Variants in ZNF764 observed in about 807,000 individuals in gnomAD.
ZNF764 encodes the protein zinc finger protein 764.
ZNF764 carries 10 observed loss-of-function variants against 13.9 expected under a neutral mutation model. That is an observed-to-expected ratio of 0.72 (90% CI 0.44 to 1.22). ZNF764 has a LOEUF of 1.22. Among genes scored for constraint, ZNF764 ranks in the 50% most tolerant of loss-of-function variants. ZNF764 has a pLI of 0.00. For synonymous variants in ZNF764, 313 were observed against 255.1 expected (o/e 1.23, Z -2.16); for missense variants, 647 against 589.7 (o/e 1.10, Z -1.01).
At chr16:30,556,190 C>T in intron 2 of ZNF764, 83 bp from the exon 3 acceptor site, 2 of 1,510,596 alleles carry the variant, frequency 1.3e-6, no homozygotes, top group Non-Finnish European at 9.1e-7. Context: ...CAGGGACAGG[C>T]CTGCTGGATC....
chr16:30,555,948 C>G lies in ZNF764; in HGVS notation c.470G>C (p.Gly157Ala), dbSNP rs780158756. 1 of 1,611,698 alleles carries G rather than the reference C, an allele frequency of 6.2e-7. No homozygotes were observed. Among genetic ancestry groups the G allele is most frequent in the South Asian group, 1.1e-5 (1 of 91,032 alleles). ...GGGGTGGGCACAGAGGGAGGGGCGT[C>G]CCCGGTGCGGTGCCTTGGACAGCTG... ...WEQLSKAPHR[G>A]RPSLCAHPPV... Residue 157 changes from glycine to alanine, a missense_variant, in exon 3 of 3, where the codon GGA (glycine) becomes GCA (alanine). By Grantham distance (60) the Gly-to-Ala change is moderately conservative. Coordinates refer to ENST00000395091, the MANE Select transcript of ZNF764 (RefSeq NM_001172679.2).
In ZNF764 at chr16:30,558,010, G is replaced by A. The variant is rs202240645; in HGVS notation, c.173C>T (p.Thr58Ile). The part of the protein sequence containing the change: ...RALYRDVMRE[T>I]YGHLSALGIG... ...ACCGAGAGCGCTCAGGTGGCCGTAG[G>A]TCTCCCGCATCACGTCCCGGTACAG... Residue 58 changes from threonine (T) to isoleucine (I), a missense_variant, in exon 1 of 3, where the codon ACC becomes ATC. Physicochemically the swap from Thr to Ile is moderately conservative, Grantham distance 89 (BLOSUM62 -1). Transcript: ENST00000395091. The A allele has an allele frequency of 9.5e-5, 153 of 1,608,744 alleles. No homozygotes were observed. The highest frequency in any genetic ancestry group is 6.2e-4 in the Admixed American group (37 of 59,280).
At position 30,556,119 on chromosome 16, in the gene ZNF764, T is replaced by G; in HGVS notation, c.311-12A>C. 1.2e-6 allele frequency: 2 copies of G among 1,609,436 alleles called. No homozygotes were observed. Among genetic ancestry groups the G allele is most frequent in the African/African-American group, 1.3e-5 (1 of 74,904 alleles). On this transcript the variant is annotated splice_polypyrimidine_tract_variant and intron_variant, in intron 2 of 2. Transcript: ENST00000395091. Reference sequence around the variant, plus strand: ...CTTGTTTCTGGAATCTGCTGAGAGATAAAGAGGGGAGAGTTCAGGCTCGGC... The same window carrying G: ...CTTGTTTCTGGAATCTGCTGAGAGAGAAAGAGGGGAGAGTTCAGGCTCGGC...
At position 30,555,690 on chromosome 16, in the gene ZNF764, G is replaced by A. The variant is rs1402739195; in HGVS notation, c.728C>T (p.Ser243Leu). 2.5e-6 allele frequency: 4 copies of A among 1,569,370 alleles called. No homozygotes were observed. Among genetic ancestry groups the A allele is most frequent in the South Asian group, 2.3e-5 (2 of 87,224 alleles). Residue 243 changes from serine (S) to leucine (L), a missense_variant, in exon 3 of 3, where the codon TCG becomes TTG. Coordinates refer to ENST00000395091, the MANE Select transcript of ZNF764 (RefSeq NM_001172679.2). ...LECGRAFTQR[S>L]ALTSHLRVHT... is the part of the protein sequence containing the mutation. The stretch of plus-strand genomic sequence containing the variant: ...GACGCGCAGGTGCGAAGTCAGCGCC[G>A]AGCGCTGCGTGAAGGCCCGGCCACA...
chr16:30,556,229 G>T, intron 2 of ZNF764, 122 bp from the exon 3 acceptor site: 2 of 1,150,880 alleles, frequency 1.7e-6, no homozygotes, highest in South Asian at 1.3e-5. Flanking sequence ...ATGGAGGAGT[G>T]ACACCTGTTC....
chr16:30,558,018 C>T lies in ZNF764; in HGVS notation c.165G>A (p.Met55Ile). 1 of 1,610,490 alleles carries T rather than the reference C, an allele frequency of 6.2e-7. No individual in the cohort carries two copies. Among genetic ancestry groups the T allele is most frequent in the Non-Finnish European group, 8.5e-7 (1 of 1,178,622 alleles). The change falls in exon 1 of 3, where the codon ATG becomes ATA. Residue 55 changes from methionine to isoleucine, a missense_variant. By Grantham distance (10) the Met-to-Ile change is conservative. Coordinates refer to ENST00000395091, the MANE Select transcript of ZNF764 (RefSeq NM_001172679.2). ...CGCTCAGGTGGCCGTAGGTCTCCCGCATCACGTCCCGGTACAGGGCCCTCT... is the reference window on the plus strand; with the variant it reads ...CGCTCAGGTGGCCGTAGGTCTCCCGTATCACGTCCCGGTACAGGGCCCTCT... ...PAQRALYRDVMRETYGHLSAL... is the reference protein window; with the variant it reads ...PAQRALYRDVIRETYGHLSAL...
Position 30,555,258 on chromosome 16 carries a change from T to G in ZNF764, c.1160A>C (p.His387Pro). Residue 387 changes from histidine (H) to proline (P), a missense_variant, in exon 3 of 3, where the codon CAC becomes CCC. Coordinates refer to ENST00000395091, the MANE Select transcript of ZNF764 (RefSeq NM_001172679.2). ...GRLSVTLTPG[H>P]GDLDPPVGFQ... ...GCCCACGGGCGGGTCCAGGTCTCCG[T>G]GGCCAGGGGTCAGGGTCACAGACAG... The G allele has an allele frequency of 6.2e-7, 1 of 1,612,350 alleles. No individual in the cohort carries two copies. The highest frequency in any genetic ancestry group is 8.5e-7 in the Non-Finnish European group (1 of 1,179,374).
intron 2 of ZNF764, among the ~76,000 whole-genome samples, chr16:30,557,528 A>G (rs2051566800): frequency 6.6e-6 from 1 of 152,212 alleles, no homozygotes; most frequent in African/African-American, 2.4e-5. Context: ...GAGGACTCAG[A>G]GGCGGGTATG....
rs777225071 is a variant in ZNF764 at position 30,555,325 on chromosome 16, G to A, written c.1093C>T (p.Arg365Trp). 16 of 1,608,946 alleles carry A rather than the reference G, an allele frequency of 9.9e-6. No individual in the cohort carries two copies. The East Asian group carries it at 2.2e-4, about 22-fold the overall frequency. The change falls in exon 3 of 3, where the codon CGG becomes TGG. Residue 365 changes from arginine (R) to tryptophan (W), a missense_variant. Coordinates refer to ENST00000395091, the MANE Select transcript of ZNF764 (RefSeq NM_001172679.2). ...SAVAKHQWVH[R>W]PGAGGHRGRV... Reference sequence around the variant, plus strand: ...CCCCTGTGGCCCCCGGCCCCGGGCCGATGAACCCACTGGTGTTTGGCCACG... The same window carrying A: ...CCCCTGTGGCCCCCGGCCCCGGGCCAATGAACCCACTGGTGTTTGGCCACG...
At position 30,555,022 on chromosome 16, in the gene ZNF764, G is replaced by C. The variant is rs1182642573; in HGVS notation, c.*172C>G. The C allele has an allele frequency of 2.6e-6, 2 of 758,370 alleles. No homozygotes were observed. Among genetic ancestry groups the C allele is most frequent in the Non-Finnish European group, 4.1e-6 (2 of 489,770 alleles). The allele number at this position is 758,370 out of a possible 1,614,324, so 47.0% of individuals were successfully genotyped here. A position where few individuals can be genotyped will look rare whatever the true frequency, so the allele number is the denominator to read the frequency against. ...GCCTTGGAGAGCCCTGGGCAGTGGG[G>C]AGCAAGGTGCTGGCAGAGGAGGCTG... On this transcript the variant is annotated 3_prime_UTR_variant, in exon 3 of 3. Coordinates refer to ENST00000395091, the MANE Select transcript of ZNF764 (RefSeq NM_001172679.2).
chr16:30,555,571 C>T lies in ZNF764; in HGVS notation c.847G>A (p.Glu283Lys), dbSNP rs865992504. 1.3e-6 allele frequency: 2 copies of T among 1,533,824 alleles called. No individual in the cohort carries two copies. The highest frequency in any genetic ancestry group is 4.0e-5 in the Admixed American group (2 of 49,406). Residue 283 changes from glutamate (E) to lysine (K), a missense_variant, in exon 3 of 3, where the codon GAG (glutamate) becomes AAG (lysine). Coordinates refer to ENST00000395091, the MANE Select transcript of ZNF764 (RefSeq NM_001172679.2). Reference sequence around the variant, plus strand: ...CAGTCCGGGCAGGGGAAGGGGGTCTCGCCGCTGTGCACGCGCCGGTGCTGG... The same window carrying T: ...CAGTCCGGGCAGGGGAAGGGGGTCTTGCCGCTGTGCACGCGCCGGTGCTGG... ...LYQHRRVHSGETPFPCPDCGR... is the reference protein window; with the variant it reads ...LYQHRRVHSGKTPFPCPDCGR...
chr16:30,558,268 C>A lies in ZNF764; in HGVS notation c.-86G>T. ...AACCTCCTGCGCCCGAGAAAGCCTC[C>A]CCGGCCCGGGCCCAAGGGAAGGAGG... On this transcript the variant is annotated 5_prime_UTR_variant, in exon 1 of 3. Coordinates refer to ENST00000395091, the MANE Select transcript of ZNF764 (RefSeq NM_001172679.2). 1 of 1,422,494 alleles carries A rather than the reference C, an allele frequency of 7.0e-7. No homozygotes were observed. Among genetic ancestry groups the A allele is most frequent in the South Asian group, 1.5e-5 (1 of 68,936 alleles). 88.1% of individuals were successfully genotyped at this position (1,422,494 alleles called of 1,614,324 possible). A position where few individuals can be genotyped will look rare whatever the true frequency, so the allele number is the denominator to read the frequency against.
In ZNF764 at chr16:30,555,150, A is replaced by G; in HGVS notation, c.*44T>C. 1.3e-6 allele frequency: 2 copies of G among 1,550,862 alleles called. No homozygotes were observed. The highest frequency in any genetic ancestry group is 2.5e-5 in the South Asian group (2 of 80,654). ...CGCAGAGGTTCGGGCCCCTGAGCCCATCTCGGGCCTCCCGTAATGTCTAGA... is the reference window on the plus strand; with the variant it reads ...CGCAGAGGTTCGGGCCCCTGAGCCCGTCTCGGGCCTCCCGTAATGTCTAGA... On this transcript the variant is annotated 3_prime_UTR_variant, in exon 3 of 3. Transcript: ENST00000395091.
chr16:30,555,077 C>A lies in ZNF764; in HGVS notation c.*117G>T, dbSNP rs971823883. ...GGGCCCAAGATCAGACTGTCCGCAC[C>A]CCAGGGCCAGCTCTTGCCCTAGATT... On this transcript the variant is annotated 3_prime_UTR_variant, in exon 3 of 3. Transcript: ENST00000395091. 1.6e-6 allele frequency: 2 copies of A among 1,275,806 alleles called. No individual in the cohort carries two copies. The highest frequency in any genetic ancestry group is 2.1e-6 in the Non-Finnish European group (2 of 932,546). 79.0% of individuals were successfully genotyped at this position (1,275,806 alleles called of 1,614,324 possible).
chr16:30,555,904 G>A lies in ZNF764; in HGVS notation c.514C>T (p.Gln172Ter). 1 of 1,611,836 alleles carries A rather than the reference G, an allele frequency of 6.2e-7. No individual in the cohort carries two copies. The highest frequency in any genetic ancestry group is 8.5e-7 in the Non-Finnish European group (1 of 1,179,100). The change falls in exon 3 of 3, where the codon CAG (glutamine) becomes TAG (stop). Residue 172 changes from glutamine to a stop codon, truncating the protein, a stop_gained. Transcript: ENST00000395091. LOFTEE classifies it low-confidence loss of function (END_TRUNC). Reference protein sequence around the residue: ...CAHPPVPRADQRHGCYVCGKS... With the variant: ...CAHPPVPRAD Reference sequence around the variant, plus strand: ...CCGCACACGTAGCAGCCATGACGCTGGTCAGCTCGGGGGACAGGGGGGTGG... The same window carrying A: ...CCGCACACGTAGCAGCCATGACGCTAGTCAGCTCGGGGGACAGGGGGGTGG...
intron 2 of ZNF764, among the ~76,000 whole-genome samples, chr16:30,556,614 A>G (rs1401279742): frequency 6.6e-6 from 1 of 152,052 alleles, no homozygotes; most frequent in Admixed American, 6.6e-5. Context: ...CGGTAATCCC[A>G]GCGCTTTGGG....
Position 30,553,899 on chromosome 16 carries a change from G to A in ZNF764, c.*1295C>T, listed in dbSNP as rs2051526951. The A allele has an allele frequency of 6.6e-6, 1 of 152,234 alleles. No homozygotes were observed. The highest frequency in any genetic ancestry group is 2.4e-5 in the African/African-American group (1 of 41,454). 9.4% of individuals were successfully genotyped at this position (152,234 alleles called of 1,614,324 possible). ...CAAGTCATATAAATGAGCGGGAAAT[G>A]CCAGATGGAAAGGCCTATTTGGACA... On this transcript the variant is annotated 3_prime_UTR_variant, in exon 3 of 3. Coordinates refer to ENST00000395091, the MANE Select transcript of ZNF764 (RefSeq NM_001172679.2).
Position 30,555,352 on chromosome 16 carries a change from C to G in ZNF764, c.1066G>C (p.Ala356Pro). Residue 356 changes from alanine to proline, a missense_variant, in exon 3 of 3, where the codon GCC becomes CCC. Transcript: ENST00000395091. ...TGAACCCACTGGTGTTTGGCCACGG[C>G]TGACTTCTGGCCAAAGCGGCGGCCG... ...QCGRRFGQKS[A>P]VAKHQWVHRP... 6.2e-7 allele frequency: 1 copy of G among 1,605,686 alleles called. No individual in the cohort carries two copies. The highest frequency in any genetic ancestry group is 8.5e-7 in the Non-Finnish European group (1 of 1,176,242).
chr16:30,555,046 T>A lies in ZNF764; in HGVS notation c.*148A>T. 1 of 927,572 alleles carries A rather than the reference T, an allele frequency of 1.1e-6. No homozygotes were observed. The highest frequency in any genetic ancestry group is 1.6e-6 in the Non-Finnish European group (1 of 637,632). 57.5% of individuals were successfully genotyped at this position (927,572 alleles called of 1,614,324 possible). On this transcript the variant is annotated 3_prime_UTR_variant, in exon 3 of 3. Coordinates refer to ENST00000395091, the MANE Select transcript of ZNF764 (RefSeq NM_001172679.2). ...GGAGCAAGGTGCTGGCAGAGGAGGC[T>A]GCTAAGGGCCCAAGATCAGACTGTC...
Sources: allele counts gnomAD v4.1 joint callset (sites outside exome capture counted in the v4.1 genomes callset), GRCh38; gene constraint gnomAD v4.1.1; transcripts MANE v1.5; gene names NCBI Gene and HGNC (gene_info 2026-07-23, HGNC 2026-07-21).